The following EMC2 variants were observed in gnomAD, a reference collection of about 807,000 sequenced individuals.
The protein encoded by EMC2 is ER membrane protein complex subunit 2, also known as TPR repeat protein 35.
Under a neutral mutation model 51.6 loss-of-function variants are expected in EMC2, and 37 were observed. The ratio of observed to expected loss-of-function variants is 0.72; its 90% CI spans 0.55 to 0.94. The LOEUF (loss-of-function observed/expected upper bound fraction) is 0.94. Among genes scored for constraint, EMC2 ranks in the 40% least tolerant of loss-of-function variants. The probability of loss-of-function intolerance (pLI) is 0.00; values close to 1 mark genes in which losing one functional copy is unlikely to be tolerated. For synonymous variants in EMC2, 131 were observed against 112.4 expected (o/e 1.17, Z -1.04); for missense variants, 359 against 350.9 (o/e 1.02, Z -0.18).
intron 2 of EMC2, 86 bp downstream of exon 2, chr8:108,450,022 T>C (rs1818979301): frequency 1.8e-6 from 1 of 543,094 alleles, no homozygotes; most frequent in Non-Finnish European, 3.3e-6. Flanking sequence ...ATTCATGATT[T>C]TTCTACTTGT....
chr8:108,459,721 A>AGAGAGAGAGAGAGTGTGT (rs763020311), intron 5 of EMC2, among the ~76,000 whole-genome samples: 83 of 136,964 alleles, frequency 6.1e-4, no homozygotes, highest in African/African-American at 2.3e-3. Context: ...AGAGAGAGAG[A>AGAGAGAGAGAGAGTGTGT]GTGTGTGTGT....
intron 5 of EMC2, among the ~76,000 whole-genome samples, chr8:108,456,736 T>C (rs1018799942): frequency 6.6e-6 from 1 of 152,326 alleles, no homozygotes; most frequent in Non-Finnish European, 1.5e-5. Flanking sequence ...GAGAACATTA[T>C]AGTTTATTGC....
chr8:108,449,946 TTTA>T lies in EMC2; in HGVS notation c.154+14_154+16del. ...AAGCTGGGAGATGATAGTAAGTTCT[TTTA>T]TTACATTCAGGCTCAGTACATGCCT... On this transcript the variant is annotated intron_variant, in intron 2 of 10. Transcript: ENST00000220853. The T allele has an allele frequency of 7.7e-7, 1 of 1,304,162 alleles. No homozygotes were observed. Among genetic ancestry groups the T allele is most frequent in the Non-Finnish European group, 1.1e-6 (1 of 906,482 alleles). 80.8% of individuals were successfully genotyped at this position (1,304,162 alleles called of 1,614,324 possible).
chr8:108,464,949 T>C (rs1182030198), intron 5 of EMC2, among the ~76,000 whole-genome samples: 2 of 152,160 alleles, frequency 1.3e-5, no homozygotes, highest in Non-Finnish European at 1.5e-5. Context: ...CTTTTGCTGG[T>C]CAACTGTCCA....
chr8:108,466,852 A>G (rs533119542), intron 5 of EMC2, among the ~76,000 whole-genome samples: 1 of 152,236 alleles, frequency 6.6e-6, no homozygotes, highest in Admixed American at 6.5e-5. Flanking sequence ...CTTGATAATC[A>G]TTCAAAACCT....
intron 1 of EMC2, among the ~76,000 whole-genome samples, chr8:108,449,596 A>AT (rs1818966769): frequency 6.6e-6 from 1 of 152,098 alleles, no homozygotes; most frequent in African/African-American, 2.4e-5. Context: ...AAAGATAGTC[A>AT]TAATACCAGT....
chr8:108,448,755 A>C (rs548772398), intron 1 of EMC2, among the ~76,000 whole-genome samples: 1 of 151,410 alleles, frequency 6.6e-6, no homozygotes, highest in African/African-American at 2.4e-5. Context: ...TGAACTGTTT[A>C]CTCCTTTCCA....
In EMC2 at chr8:108,486,600, G is replaced by C. The variant is rs781699404; in HGVS notation, c.*2G>C. On this transcript the variant is annotated 3_prime_UTR_variant, in exon 11 of 11. Coordinates refer to ENST00000220853, the MANE Select transcript of EMC2 (RefSeq NM_014673.5). ...ACATTGCAGATCACCCAGTCTTAAG[G>C]TTTCAAAAACTCTTTGACATTAGAT... 19 of 1,591,838 alleles carry C rather than the reference G, an allele frequency of 1.2e-5. No individual in the cohort carries two copies. Among genetic ancestry groups the C allele is most frequent in the Middle Eastern group, 1.7e-4 (1 of 5,960 alleles).
Position 108,450,528 on chromosome 8 carries a change from T to G in EMC2, c.219+36T>G, listed in dbSNP as rs767223399. On this transcript the variant is annotated intron_variant, in intron 3 of 10. Transcript: ENST00000220853. ...AAATGAAGTATATATTTAATTTGCT[T>G]CATCAATTGTATACCGTAGTTAAGA... 4.1e-6 allele frequency: 5 copies of G among 1,220,610 alleles called. No individual in the cohort carries two copies. In the Admixed American group the frequency reaches 8.4e-5, roughly 21 times the overall value. The allele number at this position is 1,220,610 out of a possible 1,614,324, so 75.6% of individuals were successfully genotyped here.
chr8:108,453,013 C>T, intron 3 of EMC2, 49 bp from the exon 4 acceptor site: 3 of 986,624 alleles, frequency 3.0e-6, no homozygotes, highest in Non-Finnish European at 3.1e-6. Flanking sequence ...TCCATTGTAG[C>T]CCATTTAGTA....
At chr8:108,475,158 C>T (rs1271833644) in intron 7 of EMC2, 1 of 151,898 alleles carries the variant, frequency 6.6e-6, no homozygotes, top group Non-Finnish European at 1.5e-5. Flanking sequence ...AGGATAGTCA[C>T]ATGGCATTAA....
chr8:108,443,766 G>A, intron 1 of EMC2, 68 bp downstream of exon 1: 4 of 1,394,088 alleles, frequency 2.9e-6, no homozygotes, highest in Non-Finnish European at 4.0e-6. Context: ...AGTACCCGCT[G>A]CTTTCGGGGA....
intron 10 of EMC2, among the ~76,000 whole-genome samples, chr8:108,480,285 A>G (rs1342597331): frequency 7.2e-5 from 11 of 151,836 alleles, no homozygotes; most frequent in Admixed American, 3.9e-4. Context: ...AATTTGATTC[A>G]TATTTTTCTT....
At chr8:108,456,332 CAAAAAAAAAAAAAAAGAAAA>C (rs1200728269) in intron 5 of EMC2, among the ~76,000 whole-genome samples, 1 of 23,612 alleles carries the variant, frequency 4.2e-5, no homozygotes, top group African/African-American at 1.9e-4. Flanking sequence ...GACTTCGTGT[CAAAAAAAAAAAAAAAGAAAA>C]AAAAAAAAAC....
chr8:108,456,007 C>G (rs1819145930), intron 5 of EMC2, 77 bp downstream of exon 5: 22 of 371,802 alleles, frequency 5.9e-5, no homozygotes, highest in Non-Finnish European at 8.9e-5. Context: ...ATAATAGATA[C>G]ATAAGGAACT....
chr8:108,487,988 A>C lies in EMC2; in HGVS notation c.*1390A>C, dbSNP rs747691. ...TGAAATTAGTAACTGCATTTTCAAC[A>C]TGATGAACCATTTGAAATTTACATT... is the stretch of plus-strand genomic sequence containing the variant. On this transcript the variant is annotated 3_prime_UTR_variant, in exon 11 of 11. Transcript: ENST00000220853. 6.6e-6 allele frequency among the ~76,000 whole-genome samples: 1 copy of C among 151,974 alleles called. No homozygotes were observed. The highest frequency in any genetic ancestry group is 1.5e-5 in the Non-Finnish European group (1 of 67,994).
At chr8:108,445,080 C>T (rs1818845431) in intron 1 of EMC2, among the ~76,000 whole-genome samples, 2 of 152,056 alleles carry the variant, frequency 1.3e-5, no homozygotes, top group South Asian at 4.1e-4. Flanking sequence ...TCCTGAGGGA[C>T]GAGTAGCTGT....
chr8:108,488,407 G>T lies in EMC2; in HGVS notation c.*1809G>T, dbSNP rs186416308. 6.6e-6 allele frequency among the ~76,000 whole-genome samples: 1 copy of T among 152,008 alleles called. No homozygotes were observed. The highest frequency in any genetic ancestry group is 1.5e-5 in the Non-Finnish European group (1 of 67,996). ...ACTCCTGGCCTCAAGTGATCTACCC[G>T]CCTCAGCCTCCCGAAATGCTGGGAT... On this transcript the variant is annotated 3_prime_UTR_variant, in exon 11 of 11. Transcript: ENST00000220853.
chr8:108,455,427 T>C (rs1357436137), intron 4 of EMC2, among the ~76,000 whole-genome samples: 1 of 152,202 alleles, frequency 6.6e-6, no homozygotes, highest in East Asian at 1.9e-4. Flanking sequence ...TTTCCATCTC[T>C]GTTTACATTA....
Sources: allele counts gnomAD v4.1 joint callset (sites outside exome capture counted in the v4.1 genomes callset), GRCh38; gene constraint gnomAD v4.1.1; transcripts MANE v1.5; gene names NCBI Gene and HGNC (gene_info 2026-07-23, HGNC 2026-07-21).